The following DOCK10 variants were observed in gnomAD, a reference collection of about 807,000 sequenced individuals.
DOCK10 encodes the protein dedicator of cytokinesis protein 10.
Under a neutral mutation model 280.1 loss-of-function variants are expected in DOCK10, and 145 were observed. The observed-to-expected ratio is 0.52, with a 90% CI of 0.45 to 0.59. DOCK10 has a LOEUF of 0.59. Ranked by LOEUF, DOCK10 falls within the 20% of genes least tolerant of loss-of-function variation. The probability of loss-of-function intolerance (pLI) is 0.00; values close to 1 mark genes in which losing one functional copy is unlikely to be tolerated. For synonymous variants in DOCK10, 915 were observed against 942.2 expected (o/e 0.97, Z 0.53); for missense variants, 2,368 against 2,651.7 (o/e 0.89, Z 2.35).
At chr2:224,961,412 C>CTTTCTTTCTCTTTCTTTCTTTCTT (rs57668925) in intron 1 of DOCK10, among the ~76,000 whole-genome samples, 8 of 119,462 alleles carry the variant, frequency 6.7e-5, no homozygotes, top group African/African-American at 2.7e-4. Context: ...TTCTTTCTTT[C>CTTTCTTTCTCTTTCTTTCTTTCTT]TCTTTCTTTC....
chr2:225,022,578 G>A (rs1391031583), intron 1 of DOCK10, among the ~76,000 whole-genome samples: 2 of 152,120 alleles, frequency 1.3e-5, no homozygotes, highest in Non-Finnish European at 2.9e-5. Context: ...AAGTCAACAA[G>A]AACAAAAACC....
At chr2:224,903,391 T>C (rs1402844473) in intron 3 of DOCK10, among the ~76,000 whole-genome samples, 1 of 152,262 alleles carries the variant, frequency 6.6e-6, no homozygotes, top group Non-Finnish European at 1.5e-5. Flanking sequence ...TAAGACGATT[T>C]TGTTGCTTTG....
chr2:224,876,136 A>G lies in DOCK10; in HGVS notation c.833T>C (p.Met278Thr), dbSNP rs955652780. The G allele has an allele frequency of 2.5e-6, 4 of 1,613,938 alleles. No homozygotes were observed. The highest frequency in any genetic ancestry group is 3.4e-6 in the Non-Finnish European group (4 of 1,179,866). Residue 278 changes from methionine to threonine, a missense_variant, in exon 8 of 56, where the codon ATG becomes ACG. Met to Thr is a moderately conservative substitution (Grantham distance 81). Coordinates refer to ENST00000258390, the MANE Select transcript of DOCK10 (RefSeq NM_014689.3). Reference sequence around the variant, plus strand: ...GTTGAGGGTGTGGATCCATTCATCCATATCTGACTCTGTTTCAGCTGCCAG... The same window carrying G: ...GTTGAGGGTGTGGATCCATTCATCCGTATCTGACTCTGTTTCAGCTGCCAG... ...FVLAAETESD[M>T]DEWIHTLNRI...
chr2:224,770,315 C>A lies in DOCK10; in HGVS notation c.6340G>T (p.Val2114Leu). 1.2e-6 allele frequency: 2 copies of A among 1,606,674 alleles called. No homozygotes were observed. The highest frequency in any genetic ancestry group is 2.7e-5 in the African/African-American group (2 of 74,780). Residue 2114 changes from valine to leucine, a missense_variant, in exon 55 of 56, where the codon GTG (valine) becomes TTG (leucine). Around this residue, in one of 2 missense-constraint regions of DOCK10, gnomAD observed 1,159 missense variants for 1,400.8 expected, o/e 0.83. Coordinates refer to ENST00000258390, the MANE Select transcript of DOCK10 (RefSeq NM_014689.3). This position sits in a 1 kb window ranked among gnomAD's most constrained non-coding sequence, Gnocchi z 4.5. ...FADACGQALD[V>L]NERLIKEDQL... ...TCCTCTTTGATGAGGCGCTCATTCA[C>A]GTCAAGGGCCTGCCCACATGCATCT...
intron 40 of DOCK10, among the ~76,000 whole-genome samples, chr2:224,801,606 TC>T (rs943919491): frequency 4.9e-4 from 75 of 152,232 alleles, no homozygotes; most frequent in African/African-American, 1.7e-3. Context: ...GGCAACTTTA[TC>T]CCCTCCCCAC....
At chr2:224,950,474 C>A (rs1003271291) in intron 1 of DOCK10, among the ~76,000 whole-genome samples, 2 of 152,142 alleles carry the variant, frequency 1.3e-5, no homozygotes, top group African/African-American at 4.8e-5. Flanking sequence ...AAGTCAGTAG[C>A]AGAGCTGGGA....
intron 33 of DOCK10, among the ~76,000 whole-genome samples, chr2:224,806,450 T>C (rs1395476084): frequency 2.0e-5 from 3 of 152,206 alleles, no homozygotes; most frequent in Non-Finnish European, 4.4e-5. Context: ...TTTTTTACAA[T>C]GTTGTAGAAA....
chr2:224,783,147 A>G (rs1426473159), intron 50 of DOCK10, among the ~76,000 whole-genome samples: 1 of 152,208 alleles, frequency 6.6e-6, no homozygotes, highest in Non-Finnish European at 1.5e-5. Flanking sequence ...GCTGCTTATC[A>G]GGATGACCTC....
intron 1 of DOCK10, among the ~76,000 whole-genome samples, chr2:224,989,665 C>G (rs1417386824): frequency 6.6e-6 from 1 of 152,080 alleles, no homozygotes. Context: ...GATGGGTAAG[C>G]CCCCCGCCAG....
chr2:224,950,701 G>C (rs920502058), intron 1 of DOCK10, among the ~76,000 whole-genome samples: 1 of 152,220 alleles, frequency 6.6e-6, no homozygotes, highest in Non-Finnish European at 1.5e-5. Flanking sequence ...GGAAAGTCCA[G>C]CTGTTATATG....
At chr2:224,976,955 T>C (rs1705480587) in intron 1 of DOCK10, among the ~76,000 whole-genome samples, 1 of 152,222 alleles carries the variant, frequency 6.6e-6, no homozygotes, top group Non-Finnish European at 1.5e-5. Flanking sequence ...ATCAGAGTGC[T>C]GGACCGAGCA....
At chr2:224,820,634 A>G (rs1323839208) in intron 28 of DOCK10, among the ~76,000 whole-genome samples, 1 of 152,250 alleles carries the variant, frequency 6.6e-6, no homozygotes, top group East Asian at 1.9e-4. Context: ...ACAGGACTAC[A>G]CATAAAATCT....
At chr2:224,992,889 A>G (rs1439869759) in intron 1 of DOCK10, among the ~76,000 whole-genome samples, 1 of 152,228 alleles carries the variant, frequency 6.6e-6, no homozygotes, top group Non-Finnish European at 1.5e-5. Flanking sequence ...AAAGATTCAG[A>G]TAGAACACCA....
chr2:224,823,794 C>A (rs1049171797), intron 27 of DOCK10, 147 bp from the exon 28 acceptor site: 6 of 688,960 alleles, frequency 8.7e-6, no homozygotes, highest in African/African-American at 1.9e-5. Context: ...AAAATAGAAG[C>A]CTTTTACTTT....
intron 24 of DOCK10, among the ~76,000 whole-genome samples, chr2:224,838,184 T>C (rs1212331751): frequency 6.6e-6 from 1 of 152,264 alleles, no homozygotes; most frequent in East Asian, 1.9e-4. Context: ...GGGATTATTT[T>C]TAGTGCCTAA....
At chr2:224,924,002 G>A (rs1384375933) in intron 2 of DOCK10, among the ~76,000 whole-genome samples, 1 of 152,128 alleles carries the variant, frequency 6.6e-6, no homozygotes, top group African/African-American at 2.4e-5. Flanking sequence ...TGCTTTGGGG[G>A]TAAAATATAA....
chr2:224,904,849 A>G (rs1437773178), intron 3 of DOCK10, among the ~76,000 whole-genome samples: 1 of 152,250 alleles, frequency 6.6e-6, no homozygotes, highest in African/African-American at 2.4e-5. Flanking sequence ...GAATTATTTT[A>G]ACTATAAAAG....
At chr2:224,809,929 C>T (rs928684888) in intron 31 of DOCK10, among the ~76,000 whole-genome samples, 1 of 148,384 alleles carries the variant, frequency 6.7e-6, no homozygotes. Flanking sequence ...ACCTAGGTGA[C>T]CATCTATAGA....
chr2:224,976,762 A>G (rs1705465877), intron 1 of DOCK10, among the ~76,000 whole-genome samples: 1 of 151,770 alleles, frequency 6.6e-6, no homozygotes, highest in Non-Finnish European at 1.5e-5. Context: ...TTTTCTGTAA[A>G]TGGTCAGAAT....
Sources: allele counts gnomAD v4.1 joint callset (sites outside exome capture counted in the v4.1 genomes callset), GRCh38; gene constraint gnomAD v4.1.1; regional missense constraint gnomAD v4.1.1; non-coding constraint Gnocchi (gnomAD v3.1); transcripts MANE v1.5; gene names NCBI Gene and HGNC (gene_info 2026-07-23, HGNC 2026-07-21).